Variants in RPS6KA6 observed in about 807,000 individuals in gnomAD.
RPS6KA6 encodes ribosomal protein S6 kinase A6.
Under a neutral mutation model 65.4 loss-of-function variants are expected in RPS6KA6, and 27 were observed. The observed-to-expected ratio is 0.41, with a 90% CI of 0.30 to 0.57. RPS6KA6 has a LOEUF of 0.57. RPS6KA6 is among the 20% of genes least tolerant of loss of function. The probability of loss-of-function intolerance (pLI) is 0.24; values close to 1 mark genes in which losing one functional copy is unlikely to be tolerated. For synonymous variants in RPS6KA6, 190 were observed against 184.2 expected, an observed-to-expected ratio of 1.03 and a Z score of -0.26; for missense variants, 486 against 555.6, an observed-to-expected ratio of 0.87 and a Z score of 1.26.
intron 1 of RPS6KA6, chrX:84,187,017 G>C (rs1026260304): frequency 8.9e-6 from 1 of 111,978 alleles, no homozygotes; most frequent in African/African-American, 3.3e-5. Flanking sequence ...AGAAGAGTGG[G>C]AAGAGAGGTG....
intron 8 of RPS6KA6, among the ~76,000 whole-genome samples, chrX:84,124,165 G>T (rs1179674513): frequency 9.0e-6 from 1 of 111,358 alleles, no homozygotes; most frequent in Non-Finnish European, 1.9e-5. Context: ...TACCTGTACA[G>T]TCTTCTCAAG....
intron 6 of RPS6KA6, among the ~76,000 whole-genome samples, chrX:84,138,700 G>A (rs1254367962): frequency 1.8e-5 from 2 of 111,686 alleles, no homozygotes; most frequent in Non-Finnish European, 3.8e-5. Context: ...AATTTTAGAA[G>A]AACTGACAGC....
At position 84,059,638 on chromosome X, in the gene RPS6KA6, A is replaced by G. The variant is rs1456417066; in HGVS notation, c.*4639T>C. On this transcript the variant is annotated 3_prime_UTR_variant, in exon 22 of 22. Coordinates refer to ENST00000262752, the MANE Select transcript of RPS6KA6 (RefSeq NM_014496.5). ...TGACAATTTTTTAATAAACGAATGCAGTTAGTACATTCTCTATAATTGTCC... is the reference window on the plus strand; with the variant it reads ...TGACAATTTTTTAATAAACGAATGCGGTTAGTACATTCTCTATAATTGTCC... 2.8e-5 allele frequency: 3 copies of G among 107,472 alleles called. No homozygotes were observed. Among genetic ancestry groups the G allele is most frequent in the Non-Finnish European group, 5.8e-5 (3 of 51,781 alleles). The allele number at this position is 107,472 out of a possible 1,213,427, so 8.9% of individuals were successfully genotyped here.
intron 6 of RPS6KA6, among the ~76,000 whole-genome samples, chrX:84,141,320 A>G (rs1354542798): frequency 9.1e-6 from 1 of 110,412 alleles, no homozygotes; most frequent in African/African-American, 3.3e-5. Context: ...TAAAACTTAT[A>G]CTACAAATCC....
chrX:84,064,319 G>A lies in RPS6KA6; in HGVS notation c.2196C>T (p.Ala732=), dbSNP rs2033351764. 1 of 1,206,383 alleles carries A rather than the reference G, an allele frequency of 8.3e-7. No individual in the cohort carries two copies. Among genetic ancestry groups the A allele is most frequent in the African/African-American group, 1.8e-5 (1 of 56,804 alleles). The change falls in exon 22 of 22, where the codon GCC becomes GCT. Residue 732 remains alanine, a synonymous_variant. Transcript: ENST00000262752. ...VLEPVAASSL[A]QRRSMKKRTS... ...TTCGCTTTTTCATGCTCCGTCGCTG[G>A]GCTAAGCTTGAAGCAGCTACAGGCT...
chrX:84,104,657 C>T lies in RPS6KA6; in HGVS notation c.1456G>A (p.Val486Ile). 3 of 1,086,940 alleles carry T rather than the reference C, an allele frequency of 2.8e-6. No individual in the cohort carries two copies. Among genetic ancestry groups the T allele is most frequent in the Non-Finnish European group, 3.7e-6 (3 of 819,870 alleles). The allele number at this position is 1,086,940 out of a possible 1,213,427, so 89.6% of individuals were successfully genotyped here. The change falls in exon 17 of 22, where the codon GTC becomes ATC. Residue 486 changes from valine to isoleucine, a missense_variant and splice_region_variant. Transcript: ENST00000262752. Reference sequence around the variant, plus strand: ...TAAACATATCTACCATCATCAAAGACCTACAAAAGAACGCAGTTTTAAAAT... The same window carrying T: ...TAAACATATCTACCATCATCAAAGATCTACAAAAGAACGCAGTTTTAAAAT... ...QHPNIITLKD[V>I]FDDGRYVYLV...
At chrX:84,138,801 TTGTGTGTGTGTGTGTG>T (rs3077407) in intron 6 of RPS6KA6, among the ~76,000 whole-genome samples, 1 of 99,225 alleles carries the variant, frequency 1.0e-5, no homozygotes, top group African/African-American at 3.8e-5. Context: ...ACCTGTGTAT[TTGTGTGTGTGTGTGTG>T]TGTGTGTGTG....
chrX:84,128,522 A>G (rs1324640979), intron 8 of RPS6KA6, among the ~76,000 whole-genome samples: 5 of 111,798 alleles, frequency 4.5e-5, no homozygotes, highest in African/African-American at 1.6e-4. Context: ...ATTTATATGG[A>G]TCCACAAAAT....
chrX:84,142,594 T>C (rs752082519), intron 6 of RPS6KA6, among the ~76,000 whole-genome samples: 4 of 111,129 alleles, frequency 3.6e-5, no homozygotes, highest in Non-Finnish European at 5.7e-5. Flanking sequence ...TTGATAAATC[T>C]CTAGTGAAGC....
At chrX:84,172,926 A>G (rs1254952794) in intron 1 of RPS6KA6, among the ~76,000 whole-genome samples, 1 of 111,191 alleles carries the variant, frequency 9.0e-6, no homozygotes, top group Non-Finnish European at 1.9e-5. Context: ...ATTCATAGAG[A>G]TGGAAAGTAG....
intron 8 of RPS6KA6, among the ~76,000 whole-genome samples, chrX:84,130,687 C>A (rs1386718508): frequency 9.0e-6 from 1 of 111,706 alleles, no homozygotes; most frequent in Non-Finnish European, 1.9e-5. Flanking sequence ...AAAACACTCA[C>A]TGATACAGCC....
chrX:84,100,045 G>A (rs941747601), intron 18 of RPS6KA6, among the ~76,000 whole-genome samples: 5 of 110,599 alleles, frequency 4.5e-5, no homozygotes, highest in East Asian at 2.8e-4. Flanking sequence ...TTTTGAAAGC[G>A]TCTGAAATTT....
At chrX:84,120,888 C>A (rs1246577520) in intron 8 of RPS6KA6, among the ~76,000 whole-genome samples, 2 of 111,894 alleles carry the variant, frequency 1.8e-5, no homozygotes, top group African/African-American at 6.5e-5. Context: ...GTTGGACTTA[C>A]ACTACACCTG....
At chrX:84,125,192 A>G (rs190467662) in intron 8 of RPS6KA6, among the ~76,000 whole-genome samples, 1 of 112,173 alleles carries the variant, frequency 8.9e-6, no homozygotes, top group Non-Finnish European at 1.9e-5. Context: ...GTAATAAGCA[A>G]GAAGAAATCA....
intron 5 of RPS6KA6, 45 bp from the exon 6 acceptor site, chrX:84,145,602 T>C (rs1282955883): frequency 1.4e-6 from 1 of 736,324 alleles, no homozygotes; most frequent in Non-Finnish European, 2.0e-6. Context: ...CTCAAAGGCT[T>C]AAAAAGCTTA....
At chrX:84,094,402 G>A (rs1019518152) in intron 20 of RPS6KA6, among the ~76,000 whole-genome samples, 8 of 109,098 alleles carry the variant, frequency 7.3e-5, no homozygotes, top group Non-Finnish European at 1.3e-4. Context: ...TAGCACTTTG[G>A]GAGGCCGAGG....
chrX:84,117,492 C>A (rs999052717), intron 9 of RPS6KA6, 38 bp from the exon 10 acceptor site: 5 of 878,016 alleles, frequency 5.7e-6, no homozygotes, highest in Non-Finnish European at 7.9e-6. Flanking sequence ...ACAATTAGAA[C>A]ACCTTAGAAT....
chrX:84,178,035 C>T (rs2035796218), intron 1 of RPS6KA6, among the ~76,000 whole-genome samples: 1 of 111,564 alleles, frequency 9.0e-6, no homozygotes, highest in African/African-American at 3.3e-5. Context: ...CTCAAGTATT[C>T]CTCGCACGCT....
intron 20 of RPS6KA6, among the ~76,000 whole-genome samples, chrX:84,081,681 G>A (rs2147359472): frequency 9.0e-6 from 1 of 111,031 alleles, no homozygotes; most frequent in Admixed American, 9.6e-5. Context: ...GATGAACACA[G>A]ATGCAAAAAT....
Sources: allele counts gnomAD v4.1 joint callset (sites outside exome capture counted in the v4.1 genomes callset), GRCh38; gene constraint gnomAD v4.1.1; transcripts MANE v1.5; gene names NCBI Gene and HGNC (gene_info 2026-07-23, HGNC 2026-07-21).